Variants in CDC14B observed in about 807,000 individuals in gnomAD.
The protein encoded by CDC14B is dual specificity protein phosphatase CDC14B.
In CDC14B, 22 loss-of-function variants were observed where a neutral mutation model predicts 64.2. The ratio of observed to expected loss-of-function variants is 0.34; its 90% CI spans 0.24 to 0.49. The LOEUF (loss-of-function observed/expected upper bound fraction) is 0.49. CDC14B is among the 20% of genes least tolerant of loss of function. The probability of loss-of-function intolerance (pLI) is 0.99; values close to 1 mark genes in which losing one functional copy is unlikely to be tolerated. For missense variants in CDC14B, 498 were observed against 629.9 expected (o/e 0.79, Z 2.24); for synonymous variants, 191 against 215.8 (o/e 0.89, Z 1.01).
intron 1 of CDC14B, among the ~76,000 whole-genome samples, chr9:96,601,054 T>C (rs538280417): frequency 1.3e-5 from 2 of 152,042 alleles, no homozygotes; most frequent in African/African-American, 4.8e-5. Flanking sequence ...TTATATGAAA[T>C]AGGAAGAAAC....
At position 96,551,669 on chromosome 9, in the gene CDC14B, C is replaced by T. The variant is rs552299400; in HGVS notation, c.497+127G>A. ...AGTGTCACTGTGGAAAAACCCAGAT[C>T]TGTGGTGTTATTTGCGCTCATCCTA... On this transcript the variant is annotated intron_variant, in intron 5 of 13. Coordinates refer to ENST00000375241, the MANE Select transcript of CDC14B (RefSeq NM_033331.4). 2.3e-6 allele frequency: 3 copies of T among 1,308,284 alleles called. No individual in the cohort carries two copies. In the African/African-American group the frequency reaches 4.5e-5, roughly 20 times the overall value. 81.0% of individuals were successfully genotyped at this position (1,308,284 alleles called of 1,614,324 possible).
intron 13 of CDC14B, among the ~76,000 whole-genome samples, chr9:96,494,151 GCTA>G (rs1833158707): frequency 6.6e-6 from 1 of 152,198 alleles, no homozygotes; most frequent in South Asian, 2.1e-4. Flanking sequence ...TTGCTACCTG[GCTA>G]CTATTAGGGA....
chr9:96,615,735 A>C (rs114973527), intron 1 of CDC14B, among the ~76,000 whole-genome samples: 1 of 151,994 alleles, frequency 6.6e-6, no homozygotes, highest in South Asian at 2.1e-4. Flanking sequence ...CTGCCATTCT[A>C]CTCCTGGGTG....
intron 1 of CDC14B, among the ~76,000 whole-genome samples, chr9:96,583,373 A>T (rs866962993): frequency 1.8e-3 from 204 of 114,314 alleles, no homozygotes; most frequent in African/African-American, 4.3e-3. Flanking sequence ...GTATTTATTT[A>T]TTATTATTAT....
chr9:96,554,821 C>A (rs1194645994), intron 4 of CDC14B, among the ~76,000 whole-genome samples: 1 of 152,104 alleles, frequency 6.6e-6, no homozygotes, highest in Non-Finnish European at 1.5e-5. Context: ...TTCAAAAGGC[C>A]TTCCCAAATG....
intron 12 of CDC14B, among the ~76,000 whole-genome samples, chr9:96,521,100 C>T (rs1167281402): frequency 6.6e-6 from 1 of 152,150 alleles, no homozygotes; most frequent in Non-Finnish European, 1.5e-5. Context: ...GATAGAGTCT[C>T]ACTCTGTCAC....
chr9:96,585,499 C>A (rs1006932875), intron 1 of CDC14B, among the ~76,000 whole-genome samples: 3 of 151,930 alleles, frequency 2.0e-5, no homozygotes, highest in Non-Finnish European at 2.9e-5. Context: ...AAAGCAGATA[C>A]AGGAATGGCC....
intron 1 of CDC14B, among the ~76,000 whole-genome samples, chr9:96,599,388 A>T (rs1846283236): frequency 6.6e-6 from 1 of 152,148 alleles, no homozygotes; most frequent in Admixed American, 6.5e-5. Context: ...TTTAAAAAAA[A>T]AAAAAGGAGA....
At chr9:96,571,200 G>A (rs917990053) in intron 1 of CDC14B, among the ~76,000 whole-genome samples, 2 of 148,136 alleles carry the variant, frequency 1.4e-5, no homozygotes, top group Non-Finnish European at 3.0e-5. Flanking sequence ...TTTTTGAGAC[G>A]GAGTCTCGCT....
At chr9:96,512,596 T>C (rs1055804729) in intron 12 of CDC14B, among the ~76,000 whole-genome samples, 1 of 152,222 alleles carries the variant, frequency 6.6e-6, no homozygotes, top group Non-Finnish European at 1.5e-5. Context: ...AGTGTTGGGA[T>C]TTATAGGCAT....
intron 11 of CDC14B, 58 bp downstream of exon 11, chr9:96,523,203 C>A: frequency 6.4e-7 from 1 of 1,560,806 alleles, no homozygotes. Flanking sequence ...CATACCCTGA[C>A]AGGTTCTCAA....
chr9:96,581,470 A>AAACTAAATTAATTAATTT (rs1845145459), intron 1 of CDC14B, among the ~76,000 whole-genome samples: 1 of 136,304 alleles, frequency 7.3e-6, no homozygotes, highest in African/African-American at 3.7e-5. Context: ...GTCTCTAAAA[A>AAACTAAATTAATTAATTT]AATTAAATTA....
chr9:96,561,384 C>G (rs1325758219), intron 4 of CDC14B, among the ~76,000 whole-genome samples: 1 of 152,142 alleles, frequency 6.6e-6, no homozygotes, highest in Admixed American at 6.5e-5. Flanking sequence ...AAACTATACT[C>G]CAGAAAATAA....
chr9:96,597,442 C>T (rs1272400270), intron 1 of CDC14B, among the ~76,000 whole-genome samples: 3 of 149,310 alleles, frequency 2.0e-5, no homozygotes, highest in Non-Finnish European at 4.4e-5. Flanking sequence ...TGCAGTGAGC[C>T]GAGATTGTGT....
chr9:96,563,404 G>A (rs143660389), intron 3 of CDC14B, among the ~76,000 whole-genome samples: 1 of 152,156 alleles, frequency 6.6e-6, no homozygotes, highest in Non-Finnish European at 1.5e-5. Flanking sequence ...TGTAATCTCA[G>A]TACTTTAGGA....
chr9:96,504,847 T>C (rs1833906304), intron 13 of CDC14B, among the ~76,000 whole-genome samples: 1 of 151,774 alleles, frequency 6.6e-6, no homozygotes, highest in Non-Finnish European at 1.5e-5. Flanking sequence ...TGCTCCCAAC[T>C]GAAGGGCTCC....
chr9:96,547,928 G>A (rs1164986139), intron 5 of CDC14B, among the ~76,000 whole-genome samples: 2 of 151,852 alleles, frequency 1.3e-5, no homozygotes, highest in Non-Finnish European at 2.9e-5. Flanking sequence ...CGGGTTCACA[G>A]CATTCTCCTG....
chr9:96,582,547 G>GC (rs1221477946), intron 1 of CDC14B, among the ~76,000 whole-genome samples: 2 of 152,230 alleles, frequency 1.3e-5, no homozygotes, highest in African/African-American at 4.8e-5. Context: ...ACTGGACACA[G>GC]CAGTAGGGTG....
intron 5 of CDC14B, among the ~76,000 whole-genome samples, chr9:96,546,752 G>C (rs1038009199): frequency 6.8e-6 from 1 of 147,266 alleles, no homozygotes; most frequent in Non-Finnish European, 1.5e-5. Flanking sequence ...GCCCGGCCAC[G>C]ACAGTGATTT....
Sources: allele counts gnomAD v4.1 joint callset (sites outside exome capture counted in the v4.1 genomes callset), GRCh38; gene constraint gnomAD v4.1.1; transcripts MANE v1.5; gene names NCBI Gene and HGNC (gene_info 2026-07-23, HGNC 2026-07-21).